Variants in DCTN1 observed in about 807,000 individuals in gnomAD.
DCTN1 encodes the protein 150 kDa dynein-associated polypeptide.
A neutral mutation model predicts 161.2 loss-of-function variants in DCTN1; 61 were observed. The observed-to-expected ratio is 0.38, with a 90% confidence interval of 0.31 to 0.47. The LOEUF is 0.47. DCTN1 is among the 20% of genes least tolerant of loss of function. The probability of loss-of-function intolerance (pLI) is 0.99; values close to 1 mark genes in which losing one functional copy is unlikely to be tolerated. For missense variants in DCTN1, 1,404 were observed against 1,623.7 expected, an observed-to-expected ratio of 0.86 and a Z score of 2.33; for synonymous variants, 653 against 632.4, an observed-to-expected ratio of 1.03 and a Z score of -0.49.
chr2:74,391,575 ACT>A (rs1676000788), intron 1 of DCTN1: 1 of 334,756 alleles, frequency 3.0e-6, no homozygotes, highest in Non-Finnish European at 5.9e-6. Flanking sequence ...AGGCGCAGTC[ACT>A]CTGATCCCAG....
Position 74,370,440 on chromosome 2 carries a change from T to A in DCTN1, c.1127+26A>T, listed in dbSNP as rs200409278. 9 of 1,614,164 alleles carry A rather than the reference T, an allele frequency of 5.6e-6. No individual in the cohort carries two copies. The highest frequency in any genetic ancestry group is 4.4e-5 in the South Asian group (4 of 91,064). On this transcript the variant is annotated intron_variant, in intron 11 of 31. Transcript: ENST00000628224. The surrounding 1 kb of genome is among the most constrained non-coding windows in gnomAD (Gnocchi z 4.4). ...ACATTTGGAGACACAAGAGTAAGCA[T>A]CAGAGGCAAGCACTGAAGACCCTAC...
chr2:74,370,163 G>A lies in DCTN1; in HGVS notation c.1287+23C>T. 6.2e-7 allele frequency: 1 copy of A among 1,613,724 alleles called. No individual in the cohort carries two copies. The highest frequency in any genetic ancestry group is 8.5e-7 in the Non-Finnish European group (1 of 1,180,034). ...AGGAGAGTCAGGTGGGGGATTCTGGGTGAGGGGCTGGGCTCCCCAGACCTG... is the reference window on the plus strand; with the variant it reads ...AGGAGAGTCAGGTGGGGGATTCTGGATGAGGGGCTGGGCTCCCCAGACCTG... On this transcript the variant is annotated intron_variant, in intron 12 of 31. Transcript: ENST00000628224. This position sits in a 1 kb window ranked among gnomAD's most constrained non-coding sequence, Gnocchi z 4.4.
rs201078804 is a variant in DCTN1 at position 74,371,624 on chromosome 2, C to T, written c.558G>A (p.Pro186=). ...GELSSSEPST[P]AQTPLAAPII... Reference sequence around the variant, plus strand: ...TGGGTGCTGCCAGCGGAGTCTGAGCCGGGGTGCTGGGCTCACTGCTGCTCA... The same window carrying T: ...TGGGTGCTGCCAGCGGAGTCTGAGCTGGGGTGCTGGGCTCACTGCTGCTCA... Residue 186 remains proline, a synonymous_variant, in exon 8 of 32, where the codon CCG becomes CCA. Coordinates refer to ENST00000628224, the MANE Select transcript of DCTN1 (RefSeq NM_004082.5). 773 of 1,590,864 alleles carry T rather than the reference C, an allele frequency of 4.9e-4. 1 individual carries two copies. Among genetic ancestry groups the T allele is most frequent in the Non-Finnish European group, 6.1e-4 (711 of 1,169,544 alleles).
chr2:74,378,365 A>C (rs952897412), intron 1 of DCTN1, 120 bp from the exon 2 acceptor site: 13 of 1,327,776 alleles, frequency 9.8e-6, no homozygotes, highest in Non-Finnish European at 1.3e-5. Flanking sequence ...CATTTTCTTA[A>C]ACCCCATTTA....
chr2:74,382,268 G>C (rs1339591235), upstream of DCTN1, among the ~76,000 whole-genome samples: 1 of 152,066 alleles, frequency 6.6e-6, no homozygotes, highest in Non-Finnish European at 1.5e-5. Context: ...CCATATCTAC[G>C]TCAGTATCAT....
chr2:74,380,536 A>T (rs925422433), upstream of DCTN1: 14 of 472,356 alleles, frequency 3.0e-5, 1 homozygote, highest in East Asian at 1.4e-4. Flanking sequence ...GTAAGGCCTC[A>T]GCAGGCCCAT....
At chr2:74,379,096 C>G (rs779782652) in intron 1 of DCTN1, 7 of 152,426 alleles carry the variant, frequency 4.6e-5, no homozygotes, top group Non-Finnish European at 1.0e-4. Flanking sequence ...GGCAAAACAA[C>G]AGACTAAGAC....
intron 1 of DCTN1, chr2:74,386,718 T>TA (rs1215126002): frequency 6.6e-6 from 1 of 152,262 alleles, no homozygotes; most frequent in Non-Finnish European, 1.5e-5. Context: ...TTTGAAAATT[T>TA]AGATATATCT....
In DCTN1 at chr2:74,364,871, C is replaced by T. The variant is rs1420662644; in HGVS notation, c.3196+204G>A. ...GAGCCTCATTAACAATTTAGTAATG[C>T]CCTCCTTTGCCCAGAGAAACTCAGC... On this transcript the variant is annotated intron_variant, in intron 26 of 31. Coordinates refer to ENST00000628224, the MANE Select transcript of DCTN1 (RefSeq NM_004082.5). 6.3e-6 allele frequency: 4 copies of T among 636,214 alleles called. No individual in the cohort carries two copies. In the East Asian group the frequency reaches 1.1e-4, roughly 18 times the overall value. The allele number at this position is 636,214 out of a possible 1,614,324, so 39.4% of individuals were successfully genotyped here.
At chr2:74,371,347 G>A in intron 8 of DCTN1, 171 bp from the exon 9 acceptor site, 4 of 1,453,300 alleles carry the variant, frequency 2.8e-6, no homozygotes, top group South Asian at 1.2e-5. Flanking sequence ...TATATATGGG[G>A]AAAGTATGGC....
chr2:74,378,001 T>G lies in DCTN1; in HGVS notation c.278A>C (p.Gln93Pro). Residue 93 changes from glutamine to proline, a missense_variant and splice_region_variant, in exon 2 of 32, where the codon CAG becomes CCG. By Grantham distance (76) the Gln-to-Pro change is moderately conservative. This residue lies in a region of DCTN1 where 174 missense variants were observed against 175.6 expected (regional missense o/e 0.99). Coordinates refer to ENST00000628224, the MANE Select transcript of DCTN1 (RefSeq NM_004082.5). ...GACACAAAAGAAGGGCGTGAATACC[T>G]GGGACTGGCGCACAAAGATGCCATG... is the stretch of plus-strand genomic sequence containing the variant. ...EGHGIFVRQS[Q>P]IQVFEDGADT... is the part of the protein sequence containing the mutation. 1 of 1,614,204 alleles carries G rather than the reference T, an allele frequency of 6.2e-7. No individual in the cohort carries two copies.
rs559382738 is a variant in DCTN1 at position 74,388,675 on chromosome 2, A to G, written c.-19+3119T>C. On this transcript the variant is annotated intron_variant, in intron 1 of 27. Transcript: ENST00000409240. Reference sequence around the variant, plus strand: ...TTCAATACCACATTCTATTTAAAATATCATCTCTTACTCTACTATGAATTC... The same window carrying G: ...TTCAATACCACATTCTATTTAAAATGTCATCTCTTACTCTACTATGAATTC... 7.9e-5 allele frequency among the ~76,000 whole-genome samples: 12 copies of G among 152,354 alleles called. No homozygotes were observed. In the South Asian group the frequency reaches 2.5e-3, roughly 32 times the overall value.
In DCTN1 at chr2:74,373,085, C is replaced by T. The variant is rs948881132; in HGVS notation, c.433-137G>A. On this transcript the variant is annotated intron_variant, in intron 6 of 31. Transcript: ENST00000628224. Reference sequence around the variant, plus strand: ...GGCTACAGTTAGCCACCCTCCCCCCCATCCCATCCCCTTCTCCCTTCAGTG... The same window carrying T: ...GGCTACAGTTAGCCACCCTCCCCCCTATCCCATCCCCTTCTCCCTTCAGTG... 7 of 763,502 alleles carry T rather than the reference C, an allele frequency of 9.2e-6. No homozygotes were observed. The Admixed American group carries it at 9.8e-5, about 11-fold the overall frequency. The allele number at this position is 763,502 out of a possible 1,614,324, so 47.3% of individuals were successfully genotyped here.
intron 20 of DCTN1, 54 bp from the exon 21 acceptor site, chr2:74,366,986 G>A (rs1674465791): frequency 3.1e-6 from 5 of 1,614,188 alleles, no homozygotes; most frequent in South Asian, 1.1e-5. Context: ...AAGGCTCGGA[G>A]TAAGGAAGTG....
intron 7 of DCTN1, chr2:74,371,951 G>A: frequency 1.8e-6 from 1 of 560,032 alleles, no homozygotes; most frequent in Admixed American, 3.1e-5. Context: ...GAGGATGGAG[G>A]CAGAGGAGAG....
At chr2:74,374,435 G>C in intron 5 of DCTN1, 95 bp from the exon 6 acceptor site, 1 of 1,591,962 alleles carries the variant, frequency 6.3e-7, no homozygotes, top group Non-Finnish European at 8.6e-7. Context: ...GACAGACGAA[G>C]GGAGGGAGGG....
intron 5 of DCTN1, 147 bp from the exon 6 acceptor site, chr2:74,374,487 T>G (rs1293712422): frequency 5.3e-6 from 8 of 1,511,162 alleles, no homozygotes; most frequent in Non-Finnish European, 7.1e-6. Context: ...GACAGGAGAT[T>G]AGTGCATCAA....
Position 74,380,210 on chromosome 2 carries a change from G to T in DCTN1, c.-173C>A. On this transcript the variant is annotated 5_prime_UTR_variant, in exon 1 of 32. Transcript: ENST00000628224. Reference sequence around the variant, plus strand: ...CTCGGTGGCCTACACGGGTAGGGGTGGGGGCAGTGATGGGGGCTGAGGAGC... The same window carrying T: ...CTCGGTGGCCTACACGGGTAGGGGTTGGGGCAGTGATGGGGGCTGAGGAGC... 2.8e-6 allele frequency: 2 copies of T among 716,878 alleles called. No individual in the cohort carries two copies. The highest frequency in any genetic ancestry group is 5.4e-5 in the East Asian group (2 of 36,946). 44.4% of individuals were successfully genotyped at this position (716,878 alleles called of 1,614,324 possible).
intron 7 of DCTN1, 109 bp from the exon 8 acceptor site, chr2:74,371,837 A>G: frequency 1.1e-6 from 1 of 887,192 alleles, no homozygotes. Context: ...CAGAAAAGGG[A>G]AAAAGCAGAA....
Sources: allele counts gnomAD v4.1 joint callset (sites outside exome capture counted in the v4.1 genomes callset), GRCh38; gene constraint gnomAD v4.1.1; regional missense constraint gnomAD v4.1.1; non-coding constraint Gnocchi (gnomAD v3.1); transcripts MANE v1.5; gene names NCBI Gene and HGNC (gene_info 2026-07-23, HGNC 2026-07-21).